ARHGAP23: variants seen among roughly 807,000 people sequenced by gnomAD.
The protein encoded by ARHGAP23 is rho GTPase-activating protein 23.
A neutral mutation model predicts 136.3 loss-of-function variants in ARHGAP23; 34 were observed. That is an observed-to-expected ratio of 0.25 (90% CI 0.19 to 0.33). The LOEUF is 0.33. Among genes scored for constraint, ARHGAP23 ranks in the 10% least tolerant of loss-of-function variants. ARHGAP23 has a pLI of 1.00. For synonymous variants in ARHGAP23, 832 were observed against 920.5 expected, an observed-to-expected ratio of 0.90 and a Z score of 1.74; for missense variants, 1,808 against 2,139.0, an observed-to-expected ratio of 0.85 and a Z score of 3.05.
At position 38,466,614 on chromosome 17, in the gene ARHGAP23, C is replaced by G. The variant is rs535213162; in HGVS notation, c.931C>G (p.Arg311Gly). Residue 311 changes from arginine (R) to glycine (G), a missense_variant, in exon 7 of 24, where the codon CGG (arginine) becomes GGG (glycine). By Grantham distance (125) the Arg-to-Gly change is moderately radical. Coordinates refer to ENST00000622683, the MANE Select transcript of ARHGAP23 (RefSeq NM_001199417.2). ...GERRCPAMAP[R>G]ARSASQDRLE... ...GAGACGGTGCCCAGCCATGGCCCCC[C>G]GGGCCCGCAGCGCCTCCCAGGACCG... is the stretch of plus-strand genomic sequence containing the variant. 6.6e-7 allele frequency: 1 copy of G among 1,513,204 alleles called. No homozygotes were observed. The highest frequency in any genetic ancestry group is 8.8e-7 in the Non-Finnish European group (1 of 1,135,732). 93.7% of individuals were successfully genotyped at this position (1,513,204 alleles called of 1,614,324 possible).
chr17:38,490,698 C>G (rs552987522), intron 19 of ARHGAP23, 147 bp downstream of exon 19: 20 of 694,738 alleles, frequency 2.9e-5, no homozygotes, highest in Non-Finnish European at 4.9e-5. Flanking sequence ...GTCCCCACCC[C>G]GCTCCTACAT....
At chr17:38,443,073 G>A (rs2144533764) in intron 1 of ARHGAP23, among the ~76,000 whole-genome samples, 1 of 152,352 alleles carries the variant, frequency 6.6e-6, no homozygotes, top group East Asian at 1.9e-4. Flanking sequence ...GTGACCTTGA[G>A]TGATGATCTT....
intron 1 of ARHGAP23, among the ~76,000 whole-genome samples, chr17:38,429,173 C>A (rs997589272): frequency 6.6e-6 from 1 of 152,248 alleles, no homozygotes; most frequent in African/African-American, 2.4e-5. Flanking sequence ...GCCCTCCCCT[C>A]TGCCCTCTCC....
intron 1 of ARHGAP23, among the ~76,000 whole-genome samples, chr17:38,442,682 T>C (rs1354560467): frequency 6.6e-6 from 1 of 152,168 alleles, no homozygotes; most frequent in African/African-American, 2.4e-5. Flanking sequence ...ATGGGTTGCA[T>C]TCCAGAAACA....
upstream of ARHGAP23, among the ~76,000 whole-genome samples, chr17:38,423,988 C>T (rs1030917851): frequency 4.6e-5 from 7 of 152,158 alleles, no homozygotes; most frequent in African/African-American, 1.7e-4. Flanking sequence ...AGCCTCAAAT[C>T]AGAGGCAGGC....
At chr17:38,488,306 G>T (rs1230048402) in intron 17 of ARHGAP23, among the ~76,000 whole-genome samples, 1 of 152,190 alleles carries the variant, frequency 6.6e-6, no homozygotes, top group Admixed American at 6.5e-5. Context: ...TTACTAGGGA[G>T]ATTAAATCTT....
chr17:38,420,908 T>C (rs1015550247), intron 1 of ARHGAP23, among the ~76,000 whole-genome samples: 2 of 152,010 alleles, frequency 1.3e-5, no homozygotes, highest in African/African-American at 4.8e-5. Context: ...TTACGTTACG[T>C]GAATTTCACC....
At chr17:38,496,753 GACCA>G (rs1461732900) in intron 20 of ARHGAP23, among the ~76,000 whole-genome samples, 3 of 152,234 alleles carry the variant, frequency 2.0e-5, no homozygotes, top group Admixed American at 6.5e-5. Flanking sequence ...CAGGAGTTGA[GACCA>G]GTCTGGCCAA....
intron 22 of ARHGAP23, among the ~76,000 whole-genome samples, chr17:38,500,025 G>A (rs1229233010): frequency 6.6e-6 from 1 of 152,190 alleles, no homozygotes; most frequent in Non-Finnish European, 1.5e-5. Context: ...AACCTATCAA[G>A]GCTCTAATCA....
chr17:38,421,014 T>C (rs1173774336), intron 1 of ARHGAP23, among the ~76,000 whole-genome samples: 1 of 152,174 alleles, frequency 6.6e-6, no homozygotes, highest in African/African-American at 2.4e-5. Flanking sequence ...CAGCTCAGCC[T>C]GAGTTGTTCC....
In ARHGAP23 at chr17:38,475,895, G is replaced by A. The variant is rs138085835; in HGVS notation, c.2119-1684G>A. On this transcript the variant is annotated intron_variant, in intron 11 of 23. Transcript: ENST00000622683. ...GAGAAGGCCTCACTGAGGAGGTGAC[G>A]TTGGTGATGCTGGAGCTCAGATCTG... Among the ~76,000 whole-genome samples the A allele has an allele frequency of 5.3e-4, 80 of 152,272 alleles. 1 individual carries two copies. The highest frequency in any genetic ancestry group is 6.5e-4 in the Non-Finnish European group (44 of 68,028).
intron 1 of ARHGAP23, among the ~76,000 whole-genome samples, chr17:38,428,910 C>T (rs1009519309): frequency 2.6e-5 from 4 of 151,278 alleles, no homozygotes; most frequent in African/African-American, 9.7e-5. Context: ...CGCCTGCCGC[C>T]GTTTCCTCTG....
chr17:38,510,037 G>C lies in ARHGAP23; in HGVS notation c.3541G>C (p.Glu1181Gln). ...AVNRKRKKRR[E>Q]ARGLGSSTDD... is the part of the protein sequence containing the mutation. ...CAACCGCAAGCGCAAGAAGCGGCGG[G>C]AGGCGCGGGGGCTGGGCAGCAGCAC... The change falls in exon 24 of 24, where the codon GAG becomes CAG. Residue 1181 changes from glutamate to glutamine, a missense_variant. This residue lies in a region of ARHGAP23 where 104 missense variants were observed against 131.8 expected (regional missense o/e 0.79). Transcript: ENST00000622683. The surrounding 1 kb of genome is among the most constrained non-coding windows in gnomAD (Gnocchi z 4.6). 1 of 1,244,046 alleles carries C rather than the reference G, an allele frequency of 8.0e-7. No individual in the cohort carries two copies. The highest frequency in any genetic ancestry group is 1.0e-6 in the Non-Finnish European group (1 of 994,482). The allele number at this position is 1,244,046 out of a possible 1,614,324, so 77.1% of individuals were successfully genotyped here.
At chr17:38,497,954 G>A in intron 21 of ARHGAP23, 128 bp downstream of exon 21, 1 of 975,022 alleles carries the variant, frequency 1.0e-6, no homozygotes, top group Admixed American at 2.1e-5. Context: ...CCTCAAGTCT[G>A]GTGGAGGAAA....
At chr17:38,437,798 G>GC (rs976588723) in intron 1 of ARHGAP23, among the ~76,000 whole-genome samples, 10 of 148,494 alleles carry the variant, frequency 6.7e-5, no homozygotes, top group South Asian at 4.2e-4. Context: ...ATAACGAAGG[G>GC]GGGGGAGGGC....
intron 18 of ARHGAP23, 59 bp downstream of exon 18, chr17:38,490,234 C>T: frequency 6.6e-7 from 1 of 1,505,696 alleles, no homozygotes; most frequent in East Asian, 2.5e-5. Flanking sequence ...GCACCTCTGT[C>T]CCAGGAGGCA....
chr17:38,465,104 G>C (rs2039556569), intron 6 of ARHGAP23, among the ~76,000 whole-genome samples: 1 of 152,100 alleles, frequency 6.6e-6, no homozygotes, highest in East Asian at 1.9e-4. Flanking sequence ...GCTGGGGGTG[G>C]GCGGAGGCGG....
At chr17:38,428,214 C>CT (rs1212238462), upstream of ARHGAP23, among the ~76,000 whole-genome samples, 13 of 152,204 alleles carry the variant, frequency 8.5e-5, no homozygotes, top group Admixed American at 8.5e-4. Flanking sequence ...TGGAGACCGC[C>CT]TCTCTTCGCC....
At chr17:38,461,940 G>A (rs568453051) in intron 3 of ARHGAP23, among the ~76,000 whole-genome samples, 1 of 152,070 alleles carries the variant, frequency 6.6e-6, no homozygotes, top group Non-Finnish European at 1.5e-5. Flanking sequence ...AAGGACAAGG[G>A]CTGTGCTTGT....
Sources: gnomAD v4.1 joint callset for allele counts (sites outside exome capture counted in the v4.1 genomes callset) on GRCh38, gnomAD v4.1.1 for gene constraint, gnomAD v4.1.1 regional missense constraint, Gnocchi (gnomAD v3.1) non-coding constraint, MANE v1.5 for transcripts, NCBI Gene and HGNC (gene_info 2026-07-23, HGNC 2026-07-21) for gene names.